The following C5orf15 variants were observed in gnomAD, a reference collection of about 807,000 sequenced individuals.
The protein encoded by C5orf15 is chromosome 5 open reading frame 15, also known as keratinocyte-associated transmembrane protein 2.
Under a neutral mutation model 17.8 loss-of-function variants are expected in C5orf15, and 10 were observed. The ratio of observed to expected loss-of-function variants is 0.56; its 90% CI spans 0.35 to 0.95. The LOEUF (loss-of-function observed/expected upper bound fraction) is 0.95, where lower values mean the gene tolerates loss of function less well. C5orf15 is among the 40% of genes least tolerant of loss of function. The pLI is 0.02. For missense variants in C5orf15, 319 were observed against 331.7 expected, an observed-to-expected ratio of 0.96 and a Z score of 0.30; for synonymous variants, 124 against 131.0, an observed-to-expected ratio of 0.95 and a Z score of 0.36.
chr5:133,963,049 A>T (rs1278025880), intron 1 of C5orf15, among the ~76,000 whole-genome samples: 4 of 152,226 alleles, frequency 2.6e-5, no homozygotes, highest in African/African-American at 9.6e-5. Flanking sequence ...CAGCAGCTGA[A>T]CATGGCTAGA....
intron 1 of C5orf15, among the ~76,000 whole-genome samples, chr5:133,965,962 G>C (rs1048241633): frequency 6.6e-6 from 1 of 151,344 alleles, no homozygotes; most frequent in South Asian, 2.1e-4. Flanking sequence ...CAGTGGCTCA[G>C]GCCTGTAATC....
chr5:133,964,366 A>G (rs1331072822), intron 1 of C5orf15, among the ~76,000 whole-genome samples: 1 of 152,178 alleles, frequency 6.6e-6, no homozygotes, highest in Non-Finnish European at 1.5e-5. Context: ...AAAATTACCA[A>G]CTTATACAAA....
chr5:133,963,895 C>T (rs1026364257), intron 1 of C5orf15, among the ~76,000 whole-genome samples: 5 of 152,142 alleles, frequency 3.3e-5, no homozygotes, highest in African/African-American at 4.8e-5. Context: ...GTGTAGTCTA[C>T]CTATACCATA....
At chr5:133,959,428 A>AAAT in intron 2 of C5orf15, 66 bp downstream of exon 2, 1 of 612,442 alleles carries the variant, frequency 1.6e-6, no homozygotes, top group Non-Finnish European at 2.4e-6. Flanking sequence ...AAAAAAAAAA[A>AAAT]GAACCATGAA....
chr5:133,957,362 C>CA (rs542952355), intron 2 of C5orf15, among the ~76,000 whole-genome samples: 5,682 of 101,842 alleles, frequency 0.056, 162 homozygotes, highest in South Asian at 0.19. Context: ...GACCCTGTCT[C>CA]AAAAAAAAAA....
In C5orf15 at chr5:133,956,807, T is replaced by C. The variant is rs1752048104; in HGVS notation, c.*52A>G. 2 of 1,548,842 alleles carry C rather than the reference T, an allele frequency of 1.3e-6. No individual in the cohort carries two copies. The highest frequency in any genetic ancestry group is 2.0e-5 in the Admixed American group (1 of 49,040). On this transcript the variant is annotated 3_prime_UTR_variant, in exon 3 of 3. Transcript: ENST00000231512. Reference sequence around the variant, plus strand: ...TATGGCAAACATTTGCACAATATCATATAAAAAGTCAAGCAAATAAAATTA... The same window carrying C: ...TATGGCAAACATTTGCACAATATCACATAAAAAGTCAAGCAAATAAAATTA...
rs201302696 is a variant in C5orf15 at position 133,959,680 on chromosome 5, C to G, written c.480G>C (p.Arg160Ser). 2.4e-4 allele frequency: 395 copies of G among 1,613,334 alleles called. 1 individual carries two copies. Among genetic ancestry groups the G allele is most frequent in the South Asian group, 1.2e-3 (106 of 90,844 alleles). The stretch of plus-strand genomic sequence containing the variant: ...AGGTGTCATCAGACTCGTCGTCGTC[C>G]CTGGGGCCCGTGGTCCAGTCATAGT... ...EPDYDWTTGPRDDDESDDTLE... is the reference protein window; with the variant it reads ...EPDYDWTTGPSDDDESDDTLE... The change falls in exon 2 of 3, where the codon AGG (arginine) becomes AGC (serine). Residue 160 changes from arginine (R) to serine (S), a missense_variant. Arg to Ser is a moderately radical substitution (Grantham distance 110, BLOSUM62 -1). Coordinates refer to ENST00000231512, the MANE Select transcript of C5orf15 (RefSeq NM_020199.3).
intron 1 of C5orf15, chr5:133,967,348 G>T (rs1752210795): frequency 1.3e-5 from 2 of 152,216 alleles, no homozygotes; most frequent in Admixed American, 6.5e-5. Flanking sequence ...TGTCGCAGAG[G>T]AATGTAGGGC....
chr5:133,963,352 T>G (rs916015057), intron 1 of C5orf15, among the ~76,000 whole-genome samples: 1 of 152,216 alleles, frequency 6.6e-6, no homozygotes, highest in Non-Finnish European at 1.5e-5. Flanking sequence ...TCCAACCACC[T>G]ACTTGACATC....
rs370598384 is a variant in C5orf15 at position 133,959,985 on chromosome 5, G to C, written c.175C>G (p.Leu59Val). ...SRTDSPSPTV[L>V]NSHISTPNVN... ...TTTGGGGTAGAAATATGTGAGTTGA[G>C]TACGGTTGGGCTCGGTGAATCAGTC... The change falls in exon 2 of 3, where the codon CTC (leucine) becomes GTC (valine). Residue 59 changes from leucine to valine, a missense_variant. Physicochemically the swap from Leu to Val is conservative, Grantham distance 32 (BLOSUM62 1). Around this residue, in one of 3 missense-constraint regions of C5orf15, gnomAD observed 127 missense variants for 95.6 expected, o/e 1.33. Transcript: ENST00000231512. 1 of 1,612,928 alleles carries C rather than the reference G, an allele frequency of 6.2e-7. No homozygotes were observed. The highest frequency in any genetic ancestry group is 8.5e-7 in the Non-Finnish European group (1 of 1,179,004).
Position 133,966,763 on chromosome 5 carries a change from G to A in C5orf15, c.139+1683C>T, listed in dbSNP as rs1424174363. 2.0e-5 allele frequency among the ~76,000 whole-genome samples: 3 copies of A among 152,230 alleles called. No homozygotes were observed. In the East Asian group the frequency reaches 5.8e-4, roughly 29 times the overall value. On this transcript the variant is annotated intron_variant, in intron 1 of 2. Transcript: ENST00000231512. ...AAATACTTATATCCCAAGCTACACTGTAGTGCAGTGGAGCTGCTCGCCTAT... is the reference window on the plus strand; with the variant it reads ...AAATACTTATATCCCAAGCTACACTATAGTGCAGTGGAGCTGCTCGCCTAT...
In C5orf15 at chr5:133,966,891, T is replaced by C. The variant is rs1028365810; in HGVS notation, c.139+1555A>G. 3.3e-5 allele frequency among the ~76,000 whole-genome samples: 5 copies of C among 152,342 alleles called. No homozygotes were observed. The East Asian group carries it at 5.8e-4, about 18-fold the overall frequency. On this transcript the variant is annotated intron_variant, in intron 1 of 2. Transcript: ENST00000231512. The stretch of plus-strand genomic sequence containing the variant: ...GTATGTAAAGACTTAATTTAAAAGA[T>C]AAAGATTCTCTAAAATGTCTCAGTA...
chr5:133,968,570 G>A lies in C5orf15; in HGVS notation c.15C>T (p.Val5=), dbSNP rs768625488. 6.2e-7 allele frequency: 1 copy of A among 1,609,484 alleles called. No individual in the cohort carries two copies. Among genetic ancestry groups the A allele is most frequent in the Non-Finnish European group, 8.5e-7 (1 of 1,178,510 alleles). ...GTGCTGGCCCCCTCATCCTCTTCGGGACGGCAGCGGCCATAACGGACTCGG... is the reference window on the plus strand; with the variant it reads ...GTGCTGGCCCCCTCATCCTCTTCGGAACGGCAGCGGCCATAACGGACTCGG... The part of the protein sequence containing the change: MAAA[V]PKRMRGPAQA... The change falls in exon 1 of 3, where the codon GTC becomes GTT. Residue 5 remains valine (V), a synonymous_variant. Transcript: ENST00000231512.
chr5:133,966,636 C>T (rs999993808), intron 1 of C5orf15, among the ~76,000 whole-genome samples: 4 of 152,208 alleles, frequency 2.6e-5, no homozygotes, highest in African/African-American at 9.6e-5. Context: ...TGGTAACCTT[C>T]TACCTTTGTA....
rs1479760107 is a variant in C5orf15 at position 133,960,033 on chromosome 5, A to G, written c.140-13T>C. On this transcript the variant is annotated splice_polypyrimidine_tract_variant and intron_variant, in intron 1 of 2. Coordinates refer to ENST00000231512, the MANE Select transcript of C5orf15 (RefSeq NM_020199.3). ...GTCCGTGATACAACTGAAACAAACA[A>G]AGAATATCAAACTGAAATCTCCAAC... 6.4e-7 allele frequency: 1 copy of G among 1,567,776 alleles called. No homozygotes were observed. Among genetic ancestry groups the G allele is most frequent in the African/African-American group, 1.4e-5 (1 of 73,222 alleles).
At chr5:133,960,993 A>C (rs1219626859) in intron 1 of C5orf15, among the ~76,000 whole-genome samples, 1 of 151,958 alleles carries the variant, frequency 6.6e-6, no homozygotes, top group Non-Finnish European at 1.5e-5. Context: ...AATATTTTAA[A>C]GTCTATCACA....
chr5:133,957,123 T>C, intron 2 of C5orf15, 133 bp from the exon 3 acceptor site: 1 of 779,154 alleles, frequency 1.3e-6, no homozygotes, highest in Non-Finnish European at 2.0e-6. Context: ...AAAAAGCTAT[T>C]TTAGGCCGAG....
At chr5:133,961,513 T>A (rs1189115809) in intron 1 of C5orf15, among the ~76,000 whole-genome samples, 1 of 145,620 alleles carries the variant, frequency 6.9e-6, no homozygotes, top group Non-Finnish European at 1.5e-5. Context: ...GCCACTGCAC[T>A]CTAGCCTGGC....
At position 133,956,819 on chromosome 5, in the gene C5orf15, A is replaced by G. The variant is rs776150380; in HGVS notation, c.*40T>C. The stretch of plus-strand genomic sequence containing the variant: ...TTGCACAATATCATATAAAAAGTCA[A>G]GCAAATAAAATTACATAAGCAAATT... On this transcript the variant is annotated 3_prime_UTR_variant, in exon 3 of 3. Coordinates refer to ENST00000231512, the MANE Select transcript of C5orf15 (RefSeq NM_020199.3). 1 of 1,560,022 alleles carries G rather than the reference A, an allele frequency of 6.4e-7. No homozygotes were observed. Among genetic ancestry groups the G allele is most frequent in the East Asian group, 2.3e-5 (1 of 43,220 alleles).
Sources: gnomAD v4.1 joint callset for allele counts (sites outside exome capture counted in the v4.1 genomes callset) on GRCh38, gnomAD v4.1.1 for gene constraint, gnomAD v4.1.1 regional missense constraint, MANE v1.5 for transcripts, NCBI Gene and HGNC (gene_info 2026-07-23, HGNC 2026-07-21) for gene names.